Variants in NLGN1 observed in about 807,000 individuals in gnomAD.
NLGN1 encodes neuroligin-1.
NLGN1 carries 12 observed loss-of-function variants against 65.5 expected under a neutral mutation model. The ratio of observed to expected loss-of-function variants is 0.18; its 90% CI spans 0.12 to 0.30. The LOEUF is 0.30. Among genes scored for constraint, NLGN1 ranks in the 10% least tolerant of loss-of-function variants. The pLI is 1.00. For synonymous variants in NLGN1, 350 were observed against 359.5 expected, an observed-to-expected ratio of 0.97 and a Z score of 0.30; for missense variants, 750 against 1,007.1, an observed-to-expected ratio of 0.74 and a Z score of 3.46.
chr3:173,775,130 T>C (rs1416631131), intron 3 of NLGN1, among the ~76,000 whole-genome samples: 1 of 152,160 alleles, frequency 6.6e-6, no homozygotes, highest in African/African-American at 2.4e-5. Flanking sequence ...TACAATCAAA[T>C]ATGCTTCTGT....
chr3:174,043,357 G>T (rs189730852), intron 4 of NLGN1, among the ~76,000 whole-genome samples: 196 of 152,174 alleles, frequency 1.3e-3, no homozygotes, highest in African/African-American at 4.5e-3. Context: ...TAACTCAAAA[G>T]TCCAAGTCCG....
exon 7 of NLGN1, chr3:174,281,150 T>A (rs1373078122): frequency 6.2e-7 from 1 of 1,613,314 alleles, no homozygotes; most frequent in South Asian, 1.1e-5. Flanking sequence ...CTGATGATGT[T>A]CCCTTAATGA....
intron 4 of NLGN1, among the ~76,000 whole-genome samples, chr3:173,827,025 T>G (rs1721475416): frequency 6.6e-6 from 1 of 152,092 alleles, no homozygotes; most frequent in South Asian, 2.1e-4. Flanking sequence ...CTGGAAAATC[T>G]ACCTCTGATT....
chr3:173,796,766 T>C (rs1302539408), intron 3 of NLGN1, among the ~76,000 whole-genome samples: 1 of 152,112 alleles, frequency 6.6e-6, no homozygotes, highest in Non-Finnish European at 1.5e-5. Flanking sequence ...TATTTGTTGT[T>C]TAAAAGAAGC....
chr3:173,574,865 A>T (rs1477374254), intron 2 of NLGN1, among the ~76,000 whole-genome samples: 1 of 152,198 alleles, frequency 6.6e-6, no homozygotes, highest in Non-Finnish European at 1.5e-5. Context: ...TGCAAATGAC[A>T]CATTTGATCT....
chr3:173,576,625 A>C (rs6766164), intron 2 of NLGN1, among the ~76,000 whole-genome samples: 74,178 of 151,708 alleles, frequency 0.49, 18,457 homozygotes, highest in East Asian at 0.73. Flanking sequence ...TGACCCCTGA[A>C]CCCTCTGCCT....
chr3:173,939,971 C>A (rs1424904588), intron 4 of NLGN1, among the ~76,000 whole-genome samples: 1 of 151,096 alleles, frequency 6.6e-6, no homozygotes, highest in Non-Finnish European at 1.5e-5. Context: ...TGTGTATAAT[C>A]CACTAAAAAT....
chr3:173,889,309 T>C (rs1333823807), intron 4 of NLGN1, among the ~76,000 whole-genome samples: 1 of 152,080 alleles, frequency 6.6e-6, no homozygotes, highest in South Asian at 2.1e-4. Flanking sequence ...GAGGAGGGTA[T>C]GTGAATTGCC....
At chr3:173,825,010 GGCA>G (rs1349171977) in intron 4 of NLGN1, among the ~76,000 whole-genome samples, 2 of 152,008 alleles carry the variant, frequency 1.3e-5, no homozygotes, top group Non-Finnish European at 2.9e-5. Flanking sequence ...CCAACAATCT[GGCA>G]GCCCTAAAGT....
chr3:173,463,321 A>G (rs1456629198), intron 2 of NLGN1, among the ~76,000 whole-genome samples: 6 of 152,218 alleles, frequency 3.9e-5, no homozygotes, highest in Non-Finnish European at 8.8e-5. Flanking sequence ...AATACAAAAT[A>G]TACATAAAAT....
chr3:173,632,837 G>GT (rs59210572), intron 3 of NLGN1, among the ~76,000 whole-genome samples: 1,717 of 117,390 alleles, frequency 0.015, 30 homozygotes, highest in Admixed American at 0.04. Context: ...CTTGAGTAGT[G>GT]TTTTTTTTTT....
chr3:174,030,273 G>A (rs1353395122), intron 4 of NLGN1, among the ~76,000 whole-genome samples: 1 of 151,864 alleles, frequency 6.6e-6, no homozygotes, highest in African/African-American at 2.4e-5. Context: ...TTACAGGCAT[G>A]TGCCACCATG....
intron 4 of NLGN1, among the ~76,000 whole-genome samples, chr3:173,895,988 C>A (rs1399694747): frequency 1.3e-5 from 2 of 152,086 alleles, no homozygotes; most frequent in Non-Finnish European, 2.9e-5. Flanking sequence ...CCGCACCTGG[C>A]CTCCCCACAC....
intron 4 of NLGN1, among the ~76,000 whole-genome samples, chr3:173,820,393 G>A (rs1449712767): frequency 6.6e-6 from 1 of 152,122 alleles, no homozygotes; most frequent in African/African-American, 2.4e-5. Flanking sequence ...TGAGGTAAGT[G>A]AAAGCGTTGG....
At chr3:173,944,124 G>GTTGTCT (rs34721217) in intron 4 of NLGN1, among the ~76,000 whole-genome samples, 49 of 139,512 alleles carry the variant, frequency 3.5e-4, no homozygotes, top group African/African-American at 1.2e-3. Context: ...TAATATTATG[G>GTTGTCT]GTGTGTGTGT....
chr3:173,984,586 A>G (rs1432300296), intron 4 of NLGN1, among the ~76,000 whole-genome samples: 1 of 152,212 alleles, frequency 6.6e-6, no homozygotes, highest in Non-Finnish European at 1.5e-5. Flanking sequence ...CTTCCAGGAA[A>G]TAAATTTGTT....
chr3:173,843,778 G>A (rs960107403), intron 4 of NLGN1, among the ~76,000 whole-genome samples: 5 of 152,188 alleles, frequency 3.3e-5, no homozygotes, highest in East Asian at 3.9e-4. Flanking sequence ...ACATTTTCCT[G>A]TCTTCTTCTG....
At chr3:173,843,027 T>C (rs1211035026) in intron 4 of NLGN1, among the ~76,000 whole-genome samples, 1 of 152,180 alleles carries the variant, frequency 6.6e-6, no homozygotes, top group African/African-American at 2.4e-5. Context: ...TAGGTGGAAG[T>C]TCCCAAACCC....
intron 3 of NLGN1, among the ~76,000 whole-genome samples, chr3:173,684,053 TAAACA>T (rs1764344208): frequency 6.6e-6 from 1 of 152,114 alleles, no homozygotes; most frequent in African/African-American, 2.4e-5. Context: ...CAGTTCACAG[TAAACA>T]AAAGTATATT....
Sources: allele counts gnomAD v4.1 joint callset (sites outside exome capture counted in the v4.1 genomes callset), GRCh38; gene constraint gnomAD v4.1.1; transcripts MANE v1.5; gene names NCBI Gene and HGNC (gene_info 2026-07-23, HGNC 2026-07-21).